USP6NL: variants seen among roughly 807,000 people sequenced by gnomAD.
USP6NL encodes USP6 N-terminal like.
USP6NL carries 26 observed loss-of-function variants against 61.9 expected under a neutral mutation model. The ratio of observed to expected loss-of-function variants is 0.42; its 90% CI spans 0.31 to 0.58. USP6NL has a LOEUF of 0.58. Among genes scored for constraint, USP6NL ranks in the 20% least tolerant of loss-of-function variants. The pLI, the probability that USP6NL is intolerant of heterozygous loss-of-function variation, is 0.16. For synonymous variants in USP6NL, 432 were observed against 390.1 expected (o/e 1.11, Z -1.27); for missense variants, 1,114 against 1,034.3 (o/e 1.08, Z -1.06).
rs980336838 is a variant in USP6NL at position 11,595,163 on chromosome 10, T to C, written c.4+2468A>G. ...CACACAAACACACAGAAATAACAGGTGAAAGAGAAGCACAAGTCACTAAAA... is the reference window on the plus strand; with the variant it reads ...CACACAAACACACAGAAATAACAGGCGAAAGAGAAGCACAAGTCACTAAAA... On this transcript the variant is annotated intron_variant, in intron 2 of 14. Coordinates refer to ENST00000609104, the MANE Select transcript of USP6NL (RefSeq NM_014688.5). The surrounding 1 kb of genome is among the most constrained non-coding windows in gnomAD (Gnocchi z 5.3). 5.9e-5 allele frequency among the ~76,000 whole-genome samples: 9 copies of C among 152,012 alleles called. No homozygotes were observed. The highest frequency in any genetic ancestry group is 1.3e-4 in the Admixed American group (2 of 15,260).
At chr10:11,543,606 T>C (rs1223114583) in intron 2 of USP6NL, among the ~76,000 whole-genome samples, 1 of 151,984 alleles carries the variant, frequency 6.6e-6, no homozygotes, top group Admixed American at 6.6e-5. Flanking sequence ...ATATATATTA[T>C]CTTCCTAATA....
In USP6NL at chr10:11,600,593, A is replaced by G. The variant is rs1271822176; in HGVS notation, c.-83-2876T>C. 6.6e-6 allele frequency among the ~76,000 whole-genome samples: 1 copy of G among 152,254 alleles called. No individual in the cohort carries two copies. The highest frequency in any genetic ancestry group is 1.5e-5 in the Non-Finnish European group (1 of 68,052). The stretch of plus-strand genomic sequence containing the variant: ...AAATTTAAAAATTTTCTAGTTAAAA[A>G]GACTATTTTAAAAGTCTAGCCATAT... On this transcript the variant is annotated intron_variant, in intron 1 of 14. Transcript: ENST00000609104. This position sits in a 1 kb window ranked among gnomAD's most constrained non-coding sequence, Gnocchi z 4.1.
At chr10:11,571,306 G>A (rs1332340803) in intron 2 of USP6NL, among the ~76,000 whole-genome samples, 1 of 151,912 alleles carries the variant, frequency 6.6e-6, no homozygotes, top group Non-Finnish European at 1.5e-5. Context: ...GGCTGGTCTC[G>A]AAATCCCGAC....
At chr10:11,480,399 G>T (rs1404315799) in intron 14 of USP6NL, among the ~76,000 whole-genome samples, 1 of 152,092 alleles carries the variant, frequency 6.6e-6, no homozygotes, top group Non-Finnish European at 1.5e-5. Context: ...ACTAAAATTT[G>T]CCTTGACCTC....
In USP6NL at chr10:11,495,005, C is replaced by T. The variant is rs1833857082; in HGVS notation, c.385-1777G>A. 6.6e-6 allele frequency among the ~76,000 whole-genome samples: 1 copy of T among 152,066 alleles called. No homozygotes were observed. Among genetic ancestry groups the T allele is most frequent in the African/African-American group, 2.4e-5 (1 of 41,400 alleles). On this transcript the variant is annotated intron_variant, in intron 7 of 14. Coordinates refer to ENST00000609104, the MANE Select transcript of USP6NL (RefSeq NM_014688.5). This position sits in a 1 kb window ranked among gnomAD's most constrained non-coding sequence, Gnocchi z 4.6. The stretch of plus-strand genomic sequence containing the variant: ...CTAAACTCCCCCGGGGAAAGGGAGA[C>T]TCCCTTTCCCTCTGCTAAGTAGCCG...
chr10:11,557,578 A>C (rs1836760475), intron 2 of USP6NL, among the ~76,000 whole-genome samples: 1 of 152,232 alleles, frequency 6.6e-6, no homozygotes, highest in Non-Finnish European at 1.5e-5. Context: ...ACCTGACGAC[A>C]GTGGATTTAA....
chr10:11,556,837 G>A (rs1488352151), intron 2 of USP6NL, among the ~76,000 whole-genome samples: 2 of 152,130 alleles, frequency 1.3e-5, no homozygotes, highest in African/African-American at 2.4e-5. Context: ...ACATAGAGAG[G>A]TCAGAGAGAC....
At chr10:11,581,295 T>C (rs186410306) in intron 2 of USP6NL, among the ~76,000 whole-genome samples, 2 of 152,364 alleles carry the variant, frequency 1.3e-5, no homozygotes, top group East Asian at 1.9e-4. Context: ...TGAGGTACTA[T>C]TATGCATATT....
intron 2 of USP6NL, among the ~76,000 whole-genome samples, chr10:11,590,371 C>A (rs936157663): frequency 6.6e-6 from 1 of 152,106 alleles, no homozygotes; most frequent in Non-Finnish European, 1.5e-5. Context: ...ACACTGATAG[C>A]CACAAATTCC....
chr10:11,602,472 G>A lies in USP6NL; in HGVS notation c.-83-4755C>T, dbSNP rs1197120787. ...TCAGTATTTACCGAGTAGCTATTAT[G>A]AGCCAGGCAGTGTACTAGGCACCGC... On this transcript the variant is annotated intron_variant, in intron 1 of 14. Transcript: ENST00000609104. The surrounding 1 kb of genome is among the most constrained non-coding windows in gnomAD (Gnocchi z 4.8). Among the ~76,000 whole-genome samples, 1 of 152,034 alleles carries A rather than the reference G, an allele frequency of 6.6e-6. No individual in the cohort carries two copies. Among genetic ancestry groups the A allele is most frequent in the Non-Finnish European group, 1.5e-5 (1 of 68,016 alleles).
At position 11,598,408 on chromosome 10, in the gene USP6NL, T is replaced by G. The variant is rs1383477991; in HGVS notation, c.-83-691A>C. Among the ~76,000 whole-genome samples, 2 of 152,176 alleles carry G rather than the reference T, an allele frequency of 1.3e-5. No individual in the cohort carries two copies. The highest frequency in any genetic ancestry group is 2.4e-5 in the African/African-American group (1 of 41,462). ...CCACTTAAGAGCATAACATAAAACA[T>G]CAACTTGTGTTAGTATTAATACAAA... On this transcript the variant is annotated intron_variant, in intron 1 of 14. Coordinates refer to ENST00000609104, the MANE Select transcript of USP6NL (RefSeq NM_014688.5). This position sits in a 1 kb window ranked among gnomAD's most constrained non-coding sequence, Gnocchi z 4.7.
rs998150020 is a variant in USP6NL at position 11,532,826 on chromosome 10, A to G, written c.5-5259T>C. 6.6e-6 allele frequency among the ~76,000 whole-genome samples: 1 copy of G among 152,250 alleles called. No individual in the cohort carries two copies. Among genetic ancestry groups the G allele is most frequent in the African/African-American group, 2.4e-5 (1 of 41,466 alleles). ...TCAGACAGGAAGCAAAATACATGCT[A>G]AAGTAGTGGTTTTGGACGTTTTTAA... is the stretch of plus-strand genomic sequence containing the variant. On this transcript the variant is annotated intron_variant, in intron 2 of 14. Coordinates refer to ENST00000609104, the MANE Select transcript of USP6NL (RefSeq NM_014688.5). The surrounding 1 kb of genome is among the most constrained non-coding windows in gnomAD (Gnocchi z 4.1).
intron 2 of USP6NL, among the ~76,000 whole-genome samples, chr10:11,549,182 G>A (rs961286968): frequency 1.3e-5 from 2 of 152,006 alleles, no homozygotes; most frequent in African/African-American, 4.8e-5. Flanking sequence ...TCTCCTAACC[G>A]ACCTTGAGCC....
intron 5 of USP6NL, among the ~76,000 whole-genome samples, chr10:11,517,541 T>C (rs1292527082): frequency 6.6e-6 from 1 of 152,210 alleles, no homozygotes; most frequent in Non-Finnish European, 1.5e-5. Context: ...ATAGTTGCTA[T>C]TCAATTATGT....
chr10:11,543,355 C>T (rs1254408584), intron 2 of USP6NL, among the ~76,000 whole-genome samples: 2 of 152,100 alleles, frequency 1.3e-5, no homozygotes, highest in South Asian at 2.1e-4. Context: ...TCCTGGCTAA[C>T]ACGGTGAAAC....
In USP6NL at chr10:11,548,828, CTT is replaced by C. The variant is rs1352609081; in HGVS notation, c.5-21263_5-21262del. ...ATACCTTTCTAACACTCAAATAAAA[CTT>C]ATCTCCAACATTTCTTTAGGTTGCC... On this transcript the variant is annotated intron_variant, in intron 2 of 14. Coordinates refer to ENST00000609104, the MANE Select transcript of USP6NL (RefSeq NM_014688.5). The surrounding 1 kb of genome is among the most constrained non-coding windows in gnomAD (Gnocchi z 4.3). Among the ~76,000 whole-genome samples, 1 of 152,124 alleles carries C rather than the reference CTT, an allele frequency of 6.6e-6. No homozygotes were observed. Among genetic ancestry groups the C allele is most frequent in the Non-Finnish European group, 1.5e-5 (1 of 67,982 alleles).
rs924102546 is a variant in USP6NL, at chr10:11,527,143, G to A, written c.72+357C>T. On this transcript the variant is annotated intron_variant, in intron 3 of 14. Coordinates refer to ENST00000609104, the MANE Select transcript of USP6NL (RefSeq NM_014688.5). The stretch of plus-strand genomic sequence containing the variant: ...GGTAGAATCAGGGGCATTAAACAGG[G>A]AGGTGGGAGGTCAGAGAAGATCTCA... Among the ~76,000 whole-genome samples the A allele has an allele frequency of 3.3e-5, 5 of 152,150 alleles. No homozygotes were observed. In the East Asian group the frequency reaches 9.6e-4, roughly 29 times the overall value.
At chr10:11,608,092 G>C (rs1472400108) in intron 1 of USP6NL, among the ~76,000 whole-genome samples, 1 of 152,196 alleles carries the variant, frequency 6.6e-6, no homozygotes, top group African/African-American at 2.4e-5. Flanking sequence ...TTTTTGAGAG[G>C]TGGTCCAAGC....
At chr10:11,516,742 C>T (rs910894943) in intron 5 of USP6NL, among the ~76,000 whole-genome samples, 5 of 152,046 alleles carry the variant, frequency 3.3e-5, no homozygotes, top group African/African-American at 7.2e-5. Context: ...TACTAAGGTA[C>T]GCATAGATCA....
Sources: gnomAD v4.1 joint callset for allele counts (sites outside exome capture counted in the v4.1 genomes callset) on GRCh38, gnomAD v4.1.1 for gene constraint, Gnocchi (gnomAD v3.1) non-coding constraint, MANE v1.5 for transcripts, NCBI Gene and HGNC (gene_info 2026-07-23, HGNC 2026-07-21) for gene names.